RBM33: variants seen among roughly 807,000 people sequenced by gnomAD.
RBM33 encodes the protein RNA binding motif protein 33.
In RBM33, 28 loss-of-function variants were observed where a neutral mutation model predicts 132.6. The observed-to-expected ratio is 0.21, with a 90% CI of 0.16 to 0.29. The LOEUF is 0.29. Among genes scored for constraint, RBM33 ranks in the 10% least tolerant of loss-of-function variants. The pLI, the probability that RBM33 is intolerant of heterozygous loss-of-function variation, is 1.00. For missense variants in RBM33, 1,291 were observed against 1,518.5 expected (o/e 0.85, Z 2.49); for synonymous variants, 634 against 593.0 (o/e 1.07, Z -1.01).
intron 2 of RBM33, among the ~76,000 whole-genome samples, chr7:155,668,522 G>T (rs1798860353): frequency 6.6e-6 from 1 of 152,204 alleles, no homozygotes; most frequent in South Asian, 2.1e-4. Context: ...AGTGTAGTAA[G>T]TATTGCTGTG....
intron 3 of RBM33, among the ~76,000 whole-genome samples, chr7:155,677,302 G>A (rs542149512): frequency 2.0e-5 from 3 of 149,650 alleles, no homozygotes; most frequent in South Asian, 2.1e-4. Context: ...TCCACTTTCC[G>A]ATTTCAAGCA....
chr7:155,731,041 G>A (rs1304790463), intron 9 of RBM33, among the ~76,000 whole-genome samples: 2 of 152,140 alleles, frequency 1.3e-5, no homozygotes, highest in Non-Finnish European at 2.9e-5. Context: ...TTTAGAAAAG[G>A]ATGAAAGAGC....
intron 5 of RBM33, among the ~76,000 whole-genome samples, chr7:155,681,575 T>C (rs935026943): frequency 8.5e-5 from 13 of 152,116 alleles, no homozygotes; most frequent in African/African-American, 2.9e-4. Context: ...AAGAGATTTG[T>C]TTTTTAAAAT....
intron 8 of RBM33, among the ~76,000 whole-genome samples, chr7:155,714,195 G>A (rs759324283): frequency 6.6e-6 from 1 of 152,196 alleles, no homozygotes; most frequent in Non-Finnish European, 1.5e-5. Context: ...CGCACACTAG[G>A]TGTGGAATAG....
chr7:155,715,223 G>A (rs1800426056), intron 8 of RBM33, among the ~76,000 whole-genome samples: 1 of 152,216 alleles, frequency 6.6e-6, no homozygotes, highest in South Asian at 2.1e-4. Context: ...TTTCTTTCAA[G>A]TAATCCTTTG....
At chr7:155,757,776 G>A (rs1314428246) in intron 14 of RBM33, among the ~76,000 whole-genome samples, 4 of 151,744 alleles carry the variant, frequency 2.6e-5, no homozygotes, top group African/African-American at 7.3e-5. Flanking sequence ...GCATGGTGCC[G>A]GCATCTACTT....
At chr7:155,737,795 C>T in intron 10 of RBM33, 133 bp downstream of exon 10, 1 of 1,059,220 alleles carries the variant, frequency 9.4e-7, no homozygotes, top group Non-Finnish European at 1.3e-6. Context: ...TGTACCATAG[C>T]AGTTCTGCCT....
At chr7:155,669,637 T>G (rs1244123917) in intron 2 of RBM33, among the ~76,000 whole-genome samples, 1 of 152,172 alleles carries the variant, frequency 6.6e-6, no homozygotes, top group Non-Finnish European at 1.5e-5. Flanking sequence ...ACGGTGTGAA[T>G]CATCATGCCT....
chr7:155,693,046 T>C (rs1388367250), intron 5 of RBM33, among the ~76,000 whole-genome samples: 1 of 152,194 alleles, frequency 6.6e-6, no homozygotes, highest in Non-Finnish European at 1.5e-5. Context: ...GCTCCCCCTG[T>C]AACTGCAAAT....
intron 1 of RBM33, among the ~76,000 whole-genome samples, chr7:155,657,615 C>T (rs1461823998): frequency 6.6e-6 from 1 of 152,146 alleles, no homozygotes; most frequent in African/African-American, 2.4e-5. Context: ...TCAAGCAATC[C>T]TCGCTTCTCA....
chr7:155,721,929 G>GT (rs1347217962), intron 9 of RBM33, among the ~76,000 whole-genome samples: 11 of 152,090 alleles, frequency 7.2e-5, no homozygotes. Context: ...AAGGATCCTT[G>GT]TTTTTGATCA....
intron 5 of RBM33, among the ~76,000 whole-genome samples, chr7:155,693,326 T>C (rs999217731): frequency 2.4e-5 from 2 of 84,610 alleles, no homozygotes; most frequent in African/African-American, 6.8e-5. Flanking sequence ...CTTGTGATTT[T>C]TTTTTCTTTT....
At chr7:155,719,655 A>G (rs1240713075) in intron 9 of RBM33, among the ~76,000 whole-genome samples, 1 of 152,208 alleles carries the variant, frequency 6.6e-6, no homozygotes, top group Non-Finnish European at 1.5e-5. Context: ...TCCATTACCC[A>G]AGGCTGACAT....
intron 14 of RBM33, among the ~76,000 whole-genome samples, chr7:155,755,345 G>A (rs1732198057): frequency 6.6e-6 from 1 of 152,204 alleles, no homozygotes; most frequent in African/African-American, 2.4e-5. Flanking sequence ...AGTATCAAAT[G>A]TCTGTCATGA....
chr7:155,748,598 A>G (rs1801594799), intron 14 of RBM33, among the ~76,000 whole-genome samples: 1 of 152,232 alleles, frequency 6.6e-6, no homozygotes, highest in Non-Finnish European at 1.5e-5. Flanking sequence ...ACTTATAATG[A>G]AATAATTTAT....
At chr7:155,686,470 A>AT (rs1039575414) in intron 5 of RBM33, among the ~76,000 whole-genome samples, 1 of 150,484 alleles carries the variant, frequency 6.6e-6, no homozygotes, top group African/African-American at 2.5e-5. Context: ...TGTTCGTGGT[A>AT]TTTTTTTTCT....
intron 5 of RBM33, among the ~76,000 whole-genome samples, chr7:155,687,229 A>G (rs1263197952): frequency 1.3e-5 from 2 of 152,354 alleles, no homozygotes; most frequent in Non-Finnish European, 1.5e-5. Flanking sequence ...TCTGATGGCC[A>G]GTGATAATGA....
At chr7:155,645,348 A>AT (rs1798154996) in intron 1 of RBM33, 2 of 166,362 alleles carry the variant, frequency 1.2e-5, no homozygotes, top group Admixed American at 1.3e-4. Context: ...ATTTAGATTG[A>AT]TTTGAAGCCC....
chr7:155,743,561 C>T (rs1428541843), intron 13 of RBM33, among the ~76,000 whole-genome samples: 1 of 152,158 alleles, frequency 6.6e-6, no homozygotes, highest in African/African-American at 2.4e-5. Flanking sequence ...TTAATTTTCT[C>T]TCTCTATATA....
Sources: allele counts gnomAD v4.1 joint callset (sites outside exome capture counted in the v4.1 genomes callset), GRCh38; gene constraint gnomAD v4.1.1; transcripts MANE v1.5; gene names NCBI Gene and HGNC (gene_info 2026-07-23, HGNC 2026-07-21).